Variants in PREP observed in about 807,000 individuals in gnomAD.
PREP encodes prolyl endopeptidase, also known as dJ355L5.1 (prolyl endopeptidase).
PREP carries 29 observed loss-of-function variants against 87.6 expected under a neutral mutation model. The ratio of observed to expected loss-of-function variants is 0.33; its 90% CI spans 0.25 to 0.45. The LOEUF (loss-of-function observed/expected upper bound fraction) is 0.45, where lower values mean the gene tolerates loss of function less well. PREP is among the 20% of genes least tolerant of loss of function. The probability of loss-of-function intolerance (pLI) is 1.00; values close to 1 mark genes in which losing one functional copy is unlikely to be tolerated. For missense variants in PREP, 695 were observed against 886.5 expected (o/e 0.78, Z 2.74); for synonymous variants, 337 against 328.6 (o/e 1.03, Z -0.28).
intron 2 of PREP, among the ~76,000 whole-genome samples, chr6:105,380,221 A>T (rs563922544): frequency 9.9e-5 from 15 of 152,110 alleles, no homozygotes; most frequent in Non-Finnish European, 2.1e-4. Flanking sequence ...GCAACCATGC[A>T]AGGTGGGGCA....
chr6:105,397,767 CAGAAAGGAAAAGCTATA>C, intron 2 of PREP, 69 bp downstream of exon 2: 14 of 1,075,326 alleles, frequency 1.3e-5, no homozygotes, highest in Non-Finnish European at 1.7e-5. Context: ...AGGAGAACAC[CAGAAAGGAAAAGCTATA>C]GTTACTGACA....
In PREP at chr6:105,278,137, A is replaced by AAAC; in HGVS notation, c.*4_*6dup. The stretch of plus-strand genomic sequence containing the variant: ...CTGTCGCTGTCAGGAGGAAGCACGA[A>AAAC]AACTGTTTATGGAATCCAGTCGACG... On this transcript the variant is annotated 3_prime_UTR_variant, in exon 15 of 15. Transcript: ENST00000652536. This position sits in a 1 kb window ranked among gnomAD's most constrained non-coding sequence, Gnocchi z 4.2. 6.2e-7 allele frequency: 1 copy of AAAC among 1,600,974 alleles called. No individual in the cohort carries two copies. Among genetic ancestry groups the AAAC allele is most frequent in the Non-Finnish European group, 8.5e-7 (1 of 1,170,206 alleles).
intron 5 of PREP, among the ~76,000 whole-genome samples, chr6:105,371,929 T>C (rs1772568610): frequency 6.6e-6 from 1 of 152,222 alleles, no homozygotes; most frequent in African/African-American, 2.4e-5. Flanking sequence ...TAACATGAAT[T>C]GGCCAGTTAT....
chr6:105,393,954 T>C (rs907149182), intron 2 of PREP, among the ~76,000 whole-genome samples: 2 of 151,050 alleles, frequency 1.3e-5, no homozygotes, highest in Admixed American at 1.3e-4. Flanking sequence ...GTGTTTGAAA[T>C]CCAGCATGTA....
chr6:105,330,388 T>G (rs1048892754), intron 8 of PREP, among the ~76,000 whole-genome samples: 1 of 152,070 alleles, frequency 6.6e-6, no homozygotes, highest in African/African-American at 2.4e-5. Flanking sequence ...CCAAGAAGAA[T>G]AGCCAGGGCT....
intron 7 of PREP, among the ~76,000 whole-genome samples, chr6:105,349,920 A>G (rs1291916635): frequency 1.3e-5 from 2 of 149,536 alleles, no homozygotes; most frequent in Non-Finnish European, 1.5e-5. Flanking sequence ...AAAAAAAAAA[A>G]AAGCAAAAAA....
In PREP at chr6:105,284,311, T is replaced by C. The variant is rs3799997; in HGVS notation, c.1549+1175A>G. On this transcript the variant is annotated intron_variant, in intron 12 of 14. Transcript: ENST00000652536. The stretch of plus-strand genomic sequence containing the variant: ...ACTTGAGGAGTCTGCTGTCAGCCCC[T>C]GGGGTGCATGCTGGATGCCCGGGGG... Among the ~76,000 whole-genome samples, 452 of 152,234 alleles carry C rather than the reference T, an allele frequency of 3.0e-3. 9 individuals carry two copies. In the East Asian group the frequency reaches 0.042, roughly 14 times the overall value.
chr6:105,350,315 T>C (rs1441278802), intron 7 of PREP, among the ~76,000 whole-genome samples: 1 of 152,082 alleles, frequency 6.6e-6, no homozygotes, highest in Non-Finnish European at 1.5e-5. Context: ...CCCTATGAAG[T>C]AGATATTATT....
At chr6:105,335,169 A>G (rs764702302) in intron 7 of PREP, among the ~76,000 whole-genome samples, 1 of 152,226 alleles carries the variant, frequency 6.6e-6, no homozygotes, top group Non-Finnish European at 1.5e-5. Context: ...TCCCTTGGAA[A>G]AACATCTGTT....
rs571221679 is a variant in PREP at position 105,367,020 on chromosome 6, A to G, written c.717+1883T>C. ...AATGAAAAAGTTCTGAGGATTGATG[A>G]TAACGGTTGTACAACAATGTCAATG... On this transcript the variant is annotated intron_variant, in intron 6 of 14. Transcript: ENST00000652536. Among the ~76,000 whole-genome samples, 5 of 152,308 alleles carry G rather than the reference A, an allele frequency of 3.3e-5. No homozygotes were observed. The East Asian group carries it at 5.8e-4, about 18-fold the overall frequency.
intron 10 of PREP, among the ~76,000 whole-genome samples, chr6:105,296,098 C>T (rs1770404666): frequency 6.6e-6 from 1 of 152,070 alleles, no homozygotes; most frequent in African/African-American, 2.4e-5. Flanking sequence ...ACTTAGGTGC[C>T]CAGTGACAAT....
chr6:105,301,439 C>T (rs1317422316), intron 10 of PREP, among the ~76,000 whole-genome samples: 1 of 152,148 alleles, frequency 6.6e-6, no homozygotes, highest in Non-Finnish European at 1.5e-5. Flanking sequence ...CTTCAGTTAC[C>T]CTGTAACATG....
intron 9 of PREP, among the ~76,000 whole-genome samples, chr6:105,327,870 G>A (rs915808477): frequency 6.6e-6 from 1 of 152,154 alleles, no homozygotes; most frequent in Non-Finnish European, 1.5e-5. Context: ...GTGTGTGTAT[G>A]GCCATGACGC....
intron 7 of PREP, among the ~76,000 whole-genome samples, chr6:105,334,713 T>TCAACAACAA (rs573991003): frequency 2.6e-4 from 39 of 150,072 alleles, no homozygotes; most frequent in Admixed American, 4.0e-4. Flanking sequence ...AGACTCTGTC[T>TCAACAACAA]CAACAACAAC....
In PREP at chr6:105,274,671, G is replaced by A. The variant is rs1769900569; in HGVS notation, c.*3473C>T. Among the ~76,000 whole-genome samples, 1 of 152,162 alleles carries A rather than the reference G, an allele frequency of 6.6e-6. No homozygotes were observed. Among genetic ancestry groups the A allele is most frequent in the Admixed American group, 6.5e-5 (1 of 15,272 alleles). ...TAATACCAGCTACTGGGAAGGCTGA[G>A]GCAGGAGAATCACGTGAACCCAAGA... On this transcript the variant is annotated 3_prime_UTR_variant, in exon 15 of 15. Transcript: ENST00000652536.
intron 5 of PREP, among the ~76,000 whole-genome samples, chr6:105,371,500 CAAAAAAA>C (rs528772896): frequency 8.9e-5 from 4 of 44,804 alleles, no homozygotes; most frequent in Non-Finnish European, 1.9e-4. Flanking sequence ...GATTCCATCT[CAAAAAAA>C]AAAAAAAAAA....
intron 7 of PREP, among the ~76,000 whole-genome samples, chr6:105,343,823 T>A (rs368449091): frequency 3.9e-5 from 6 of 152,134 alleles, no homozygotes; most frequent in Non-Finnish European, 5.9e-5. Flanking sequence ...ACAATGAGAT[T>A]CCATCTCACA....
intron 6 of PREP, among the ~76,000 whole-genome samples, chr6:105,355,054 T>TC (rs538123069): frequency 1.0e-3 from 156 of 151,598 alleles, no homozygotes; most frequent in Non-Finnish European, 1.6e-3. Context: ...CATGAACAGG[T>TC]CTGAGTAAGG....
chr6:105,305,655 G>C (rs1028067331), intron 10 of PREP, among the ~76,000 whole-genome samples: 1 of 152,074 alleles, frequency 6.6e-6, no homozygotes, highest in African/African-American at 2.4e-5. Flanking sequence ...TGTGTGAAAT[G>C]TTTTATATTT....
Sources: allele counts gnomAD v4.1 joint callset (sites outside exome capture counted in the v4.1 genomes callset), GRCh38; gene constraint gnomAD v4.1.1; non-coding constraint Gnocchi (gnomAD v3.1); transcripts MANE v1.5; gene names NCBI Gene and HGNC (gene_info 2026-07-23, HGNC 2026-07-21).